The following RAB2A variants were observed in gnomAD, a reference collection of about 807,000 sequenced individuals.
RAB2A encodes ras-related protein Rab-2A.
In RAB2A, 7 loss-of-function variants were observed where a neutral mutation model predicts 32.5. That is an observed-to-expected ratio of 0.22 (90% confidence interval 0.12 to 0.40). RAB2A has a LOEUF of 0.40. RAB2A is among the 10% of genes least tolerant of loss of function. RAB2A has a pLI of 1.00. For missense variants in RAB2A, 108 were observed against 260.7 expected (o/e 0.41, Z 4.03); for synonymous variants, 79 against 85.2 (o/e 0.93, Z 0.40).
At chr8:60,562,715 T>G (rs2326568) in intron 2 of RAB2A, among the ~76,000 whole-genome samples, 58,794 of 151,962 alleles carry the variant, frequency 0.39, 11,477 homozygotes, top group East Asian at 0.55. Context: ...TGATAGGTGC[T>G]TAATGTTCAT....
At chr8:60,613,753 A>G (rs1380034953) in intron 6 of RAB2A, among the ~76,000 whole-genome samples, 1 of 152,250 alleles carries the variant, frequency 6.6e-6, no homozygotes, top group Non-Finnish European at 1.5e-5. Context: ...TTTAAGAAAT[A>G]GTGAAAACCT....
At chr8:60,557,845 C>A (rs1239953619) in intron 1 of RAB2A, among the ~76,000 whole-genome samples, 1 of 152,170 alleles carries the variant, frequency 6.6e-6, no homozygotes, top group African/African-American at 2.4e-5. Context: ...GGATTACAGG[C>A]TTGAGCCACA....
intron 3 of RAB2A, among the ~76,000 whole-genome samples, chr8:60,576,653 A>G (rs1803638771): frequency 6.6e-6 from 1 of 152,180 alleles, no homozygotes; most frequent in Admixed American, 6.5e-5. Flanking sequence ...CTCTTGACGT[A>G]TTATTTCTAA....
intron 6 of RAB2A, among the ~76,000 whole-genome samples, chr8:60,607,840 T>C (rs1279432126): frequency 1.3e-5 from 2 of 152,242 alleles, no homozygotes; most frequent in African/African-American, 4.8e-5. Flanking sequence ...AGAGATGTTA[T>C]TGCTTCAAAC....
chr8:60,583,535 C>G (rs1803796577), intron 3 of RAB2A, among the ~76,000 whole-genome samples: 1 of 152,050 alleles, frequency 6.6e-6, no homozygotes, highest in Non-Finnish European at 1.5e-5. Flanking sequence ...ATATCAAATA[C>G]AGAGAAAATT....
chr8:60,517,285 C>T, intron 1 of RAB2A, 32 bp downstream of exon 1: 1 of 1,472,524 alleles, frequency 6.8e-7, no homozygotes, highest in South Asian at 1.3e-5. Flanking sequence ...GGGCGGGTGT[C>T]GGCGGCCTCC....
intron 1 of RAB2A, among the ~76,000 whole-genome samples, chr8:60,533,148 T>C (rs2130811785): frequency 6.6e-6 from 1 of 152,342 alleles, no homozygotes; most frequent in Non-Finnish European, 1.5e-5. Flanking sequence ...GTCTAAAAAC[T>C]TAGTTTTACA....
chr8:60,602,267 T>C (rs1184963774), intron 6 of RAB2A, among the ~76,000 whole-genome samples: 1 of 152,234 alleles, frequency 6.6e-6, no homozygotes, highest in Admixed American at 6.5e-5. Flanking sequence ...GTTACCACCG[T>C]GTAGACATTT....
At chr8:60,526,348 T>C (rs576142804) in intron 1 of RAB2A, among the ~76,000 whole-genome samples, 93 of 152,176 alleles carry the variant, frequency 6.1e-4, no homozygotes, top group African/African-American at 2.1e-3. Context: ...CCTTGGCCCA[T>C]GGCCCCCTTC....
At chr8:60,618,968 C>G (rs538571615) in intron 7 of RAB2A, 2 of 152,696 alleles carry the variant, frequency 1.3e-5, no homozygotes, top group African/African-American at 4.8e-5. Context: ...CCACTTTTAT[C>G]CACATGACCA....
At chr8:60,534,802 C>T (rs775048390) in intron 1 of RAB2A, among the ~76,000 whole-genome samples, 1 of 152,164 alleles carries the variant, frequency 6.6e-6, no homozygotes, top group Non-Finnish European at 1.5e-5. Context: ...TTGCTTAACC[C>T]TCTGGATATC....
At chr8:60,520,673 C>G (rs1173916844) in intron 1 of RAB2A, among the ~76,000 whole-genome samples, 1 of 152,198 alleles carries the variant, frequency 6.6e-6, no homozygotes, top group Admixed American at 6.5e-5. Flanking sequence ...CCTACCACTC[C>G]CTGTTGCATT....
At chr8:60,551,103 C>A (rs1030985046) in intron 1 of RAB2A, among the ~76,000 whole-genome samples, 19 of 152,162 alleles carry the variant, frequency 1.2e-4, no homozygotes, top group Admixed American at 5.9e-4. Flanking sequence ...ACACATCTTC[C>A]TCCTTCCCTC....
chr8:60,592,505 CTTATTTTTTTAATTTTAT>C (rs1803958698), intron 6 of RAB2A, among the ~76,000 whole-genome samples: 1 of 102,520 alleles, frequency 9.8e-6, no homozygotes, highest in Non-Finnish European at 1.7e-5. Flanking sequence ...TCCACTTCTG[CTTATTTTTTTAATTTTAT>C]TTATTTTTTT....
intron 6 of RAB2A, among the ~76,000 whole-genome samples, chr8:60,608,327 T>G (rs1030843426): frequency 3.3e-5 from 5 of 152,172 alleles, no homozygotes; most frequent in Admixed American, 1.3e-4. Flanking sequence ...TTTTTCTGCT[T>G]TTCTGTTCTT....
intron 3 of RAB2A, among the ~76,000 whole-genome samples, chr8:60,579,633 C>CT (rs60422550): frequency 1.6e-3 from 231 of 148,610 alleles, no homozygotes; most frequent in African/African-American, 4.8e-3. Context: ...CCTAAGTTAA[C>CT]TTTTTTTTTT....
Position 60,550,805 on chromosome 8 carries a change from A to G in RAB2A, c.47-8047A>G, listed in dbSNP as rs1325904050. Among the ~76,000 whole-genome samples, 5 of 152,228 alleles carry G rather than the reference A, an allele frequency of 3.3e-5. No individual in the cohort carries two copies. In the East Asian group the frequency reaches 9.7e-4, roughly 29 times the overall value. ...CTGAAAACTCTCCAGTGAATCCCCT[A>G]TTTTATCTCAATAAACTTACAGAGT... On this transcript the variant is annotated intron_variant, in intron 1 of 7. Coordinates refer to ENST00000262646, the MANE Select transcript of RAB2A (RefSeq NM_002865.3).
intron 1 of RAB2A, among the ~76,000 whole-genome samples, chr8:60,547,305 C>G (rs188367868): frequency 2.0e-5 from 3 of 152,256 alleles, no homozygotes; most frequent in Non-Finnish European, 4.4e-5. Context: ...TCTTTCTACA[C>G]AGACATGGCA....
intron 2 of RAB2A, among the ~76,000 whole-genome samples, chr8:60,562,179 T>G (rs1808034963): frequency 6.6e-6 from 1 of 152,078 alleles, no homozygotes; most frequent in African/African-American, 2.4e-5. Context: ...TTAAAGGAGG[T>G]AAGATTTGTA....
Sources: allele counts gnomAD v4.1 joint callset (sites outside exome capture counted in the v4.1 genomes callset), GRCh38; gene constraint gnomAD v4.1.1; transcripts MANE v1.5; gene names NCBI Gene and HGNC (gene_info 2026-07-23, HGNC 2026-07-21).